The following ARMH1 variants were observed in gnomAD, a reference collection of about 807,000 sequenced individuals.
ARMH1 encodes armadillo-like helical domain containing protein 1.
ARMH1 carries 34 observed loss-of-function variants against 50.2 expected under a neutral mutation model. The ratio of observed to expected loss-of-function variants is 0.68; its 90% confidence interval spans 0.51 to 0.90. ARMH1 has a LOEUF of 0.90. Among genes scored for constraint, ARMH1 ranks in the 40% least tolerant of loss-of-function variants. The pLI, the probability that ARMH1 is intolerant of heterozygous loss-of-function variation, is 0.00. For synonymous variants in ARMH1, 221 were observed against 224.2 expected (o/e 0.99, Z 0.13); for missense variants, 538 against 553.9 (o/e 0.97, Z 0.29).
chr1:44,724,790 CGG>C lies in ARMH1; in HGVS notation c.1080_1081del (p.Glu361AlafsTer19). On this transcript the variant is annotated frameshift_variant, in exon 10 of 12. Transcript: ENST00000535358. LOFTEE classifies it high-confidence loss of function. The surrounding 1 kb of genome is among the most constrained non-coding windows in gnomAD (Gnocchi z 6.4). ...TTCGTGCAGATGTTCCCCTTGGTGG[CGG>C]AGCACGTGCGCAAGTGCATGGGGGA... The C allele has an allele frequency of 6.5e-7, 1 of 1,543,864 alleles. No individual in the cohort carries two copies. Among genetic ancestry groups the C allele is most frequent in the Non-Finnish European group, 8.7e-7 (1 of 1,146,716 alleles).
chr1:44,685,290 G>C (rs867149933), intron 1 of ARMH1, among the ~76,000 whole-genome samples: 1 of 151,960 alleles, frequency 6.6e-6, no homozygotes, highest in Non-Finnish European at 1.5e-5. Flanking sequence ...ACAGCAACTG[G>C]GGAGGGTGAA....
chr1:44,702,581 G>A (rs1646133306), intron 5 of ARMH1, among the ~76,000 whole-genome samples: 1 of 151,550 alleles, frequency 6.6e-6, no homozygotes, highest in African/African-American at 2.4e-5. Flanking sequence ...GCGTGGTGGT[G>A]TGTGCCTGTA....
chr1:44,718,879 G>C (rs1226109986), intron 6 of ARMH1, among the ~76,000 whole-genome samples: 1 of 152,034 alleles, frequency 6.6e-6, no homozygotes, highest in Admixed American at 6.6e-5. Flanking sequence ...CAAAAAATTA[G>C]CTGGCCAGTG....
intron 6 of ARMH1, among the ~76,000 whole-genome samples, chr1:44,709,329 T>C (rs1646477001): frequency 6.6e-6 from 1 of 152,240 alleles, no homozygotes; most frequent in Non-Finnish European, 1.5e-5. Context: ...AACAGACATC[T>C]TAAATTTATG....
At position 44,698,152 on chromosome 1, in the gene ARMH1, A is replaced by C. The variant is rs959484711; in HGVS notation, c.365A>C (p.Lys122Thr). ...LGLEKIKEEAKKESVKLLQVI... is the reference protein window; with the variant it reads ...LGLEKIKEEATKESVKLLQVI... ...CTAGAGAAGATCAAGGAGGAGGCCA[A>C]GAAGGAATCTGTCAAACTACTTCAG... is the stretch of plus-strand genomic sequence containing the variant. The change falls in exon 4 of 12, where the codon AAG becomes ACG. Residue 122 changes from lysine to threonine, a missense_variant. Lys to Thr is a moderately conservative substitution (Grantham distance 78). Transcript: ENST00000535358. 6.3e-5 allele frequency: 98 copies of C among 1,552,318 alleles called. No individual in the cohort carries two copies. Among genetic ancestry groups the C allele is most frequent in the Non-Finnish European group, 8.4e-5 (96 of 1,147,160 alleles).
At chr1:44,698,839 A>G (rs1645922667) in intron 4 of ARMH1, among the ~76,000 whole-genome samples, 1 of 151,080 alleles carries the variant, frequency 6.6e-6, no homozygotes, top group African/African-American at 2.4e-5. Flanking sequence ...AAATTGAATT[A>G]TGAATAACTC....
intron 4 of ARMH1, among the ~76,000 whole-genome samples, chr1:44,700,635 G>T (rs536507580): frequency 8.2e-4 from 116 of 141,970 alleles, no homozygotes; most frequent in Non-Finnish European, 1.4e-3. Context: ...AAAAAAAAAA[G>T]AGTTATCATA....
At chr1:44,709,235 G>C (rs1286446524) in intron 6 of ARMH1, among the ~76,000 whole-genome samples, 1 of 152,044 alleles carries the variant, frequency 6.6e-6, no homozygotes, top group Non-Finnish European at 1.5e-5. Flanking sequence ...TGTTTCTCCT[G>C]TTTCTCTACC....
intron 6 of ARMH1, among the ~76,000 whole-genome samples, chr1:44,713,706 C>T (rs147351710): frequency 5.9e-5 from 9 of 152,296 alleles, no homozygotes; most frequent in Non-Finnish European, 1.3e-4. Flanking sequence ...CTCAAAACAT[C>T]TGCATCCTGC....
chr1:44,689,361 C>G, intron 1 of ARMH1: 2 of 280,484 alleles, frequency 7.1e-6, no homozygotes, highest in South Asian at 7.3e-5. Context: ...CCACGCCCGG[C>G]CTTGGCAAGC....
At chr1:44,711,775 G>A (rs1480895647) in intron 6 of ARMH1, among the ~76,000 whole-genome samples, 1 of 152,164 alleles carries the variant, frequency 6.6e-6, no homozygotes, top group African/African-American at 2.4e-5. Flanking sequence ...GATACTAATG[G>A]TAATGTTAAC....
chr1:44,679,417 T>G (rs1437568494), intron 1 of ARMH1, among the ~76,000 whole-genome samples: 1 of 152,250 alleles, frequency 6.6e-6, no homozygotes, highest in African/African-American at 2.4e-5. Flanking sequence ...ATTTGTTTGC[T>G]TCTCATTTCC....
In ARMH1 at chr1:44,725,545, A is replaced by T. The variant is rs1021635532; in HGVS notation, c.*142A>T. ...ATTAGGCATCCCAGAGGGGCAGAGG[A>T]AGAGCCGCTGGCTGCGAAGAGTCAA... On this transcript the variant is annotated 3_prime_UTR_variant, in exon 12 of 12. Transcript: ENST00000535358. 2 of 775,592 alleles carry T rather than the reference A, an allele frequency of 2.6e-6. No homozygotes were observed. The highest frequency in any genetic ancestry group is 4.2e-6 in the Non-Finnish European group (2 of 471,638). The allele number at this position is 775,592 out of a possible 1,614,324, so 48.0% of individuals were successfully genotyped here. A position where few individuals can be genotyped will look rare whatever the true frequency, so the allele number is the denominator to read the frequency against.
chr1:44,704,287 CAGATGGA>C, intron 6 of ARMH1, 114 bp downstream of exon 6: 1 of 782,394 alleles, frequency 1.3e-6, no homozygotes, highest in Non-Finnish European at 2.2e-6. Flanking sequence ...ACAGCCTTGG[CAGATGGA>C]AGATGCTGGT....
intron 1 of ARMH1, among the ~76,000 whole-genome samples, chr1:44,677,594 T>G (rs1645178083): frequency 6.6e-6 from 1 of 152,146 alleles, no homozygotes; most frequent in Non-Finnish European, 1.5e-5. Context: ...TTGAGTAGTT[T>G]CCGGTGATGA....
In ARMH1 at chr1:44,704,176, A is replaced by G; in HGVS notation, c.724+3A>G. ...GCACCTGGAAGTCCAGTATGAAGGTAGGGAGCCTCCAGATTGCAGAAGGGG... is the reference window on the plus strand; with the variant it reads ...GCACCTGGAAGTCCAGTATGAAGGTGGGGAGCCTCCAGATTGCAGAAGGGG... On this transcript the variant is annotated splice_donor_region_variant and intron_variant, in intron 6 of 11. Coordinates refer to ENST00000535358, the MANE Select transcript of ARMH1 (RefSeq NM_001145636.2). 2 of 1,550,080 alleles carry G rather than the reference A, an allele frequency of 1.3e-6. No individual in the cohort carries two copies. Among genetic ancestry groups the G allele is most frequent in the South Asian group, 2.4e-5 (2 of 84,030 alleles).
intron 6 of ARMH1, among the ~76,000 whole-genome samples, chr1:44,715,038 G>A (rs1231971478): frequency 2.0e-5 from 3 of 152,050 alleles, no homozygotes; most frequent in African/African-American, 4.8e-5. Flanking sequence ...GAGCCACCAC[G>A]CCTGACTGGT....
At chr1:44,712,817 C>G (rs1276292860) in intron 6 of ARMH1, among the ~76,000 whole-genome samples, 2 of 151,794 alleles carry the variant, frequency 1.3e-5, no homozygotes, top group Non-Finnish European at 2.9e-5. Context: ...GCATGTGCCA[C>G]CACGCCCAGC....
Position 44,683,597 on chromosome 1 carries a change from G to T in ARMH1, c.-22-6079G>T, listed in dbSNP as rs868722233. On this transcript the variant is annotated intron_variant, in intron 1 of 11. Coordinates refer to ENST00000535358, the MANE Select transcript of ARMH1 (RefSeq NM_001145636.2). The surrounding 1 kb of genome is among the most constrained non-coding windows in gnomAD (Gnocchi z 4.2). ...ACAATCCATCAGAGAGACCAAGCAC[G>T]CTGGGACGGTGAGCTAAACCACTAA... 6.6e-6 allele frequency among the ~76,000 whole-genome samples: 1 copy of T among 152,240 alleles called. No homozygotes were observed. Among genetic ancestry groups the T allele is most frequent in the African/African-American group, 2.4e-5 (1 of 41,470 alleles).
Sources: allele counts gnomAD v4.1 joint callset (sites outside exome capture counted in the v4.1 genomes callset), GRCh38; gene constraint gnomAD v4.1.1; non-coding constraint Gnocchi (gnomAD v3.1); transcripts MANE v1.5; gene names NCBI Gene and HGNC (gene_info 2026-07-23, HGNC 2026-07-21).